The following BBIP1 variants were observed in gnomAD, a reference collection of about 807,000 sequenced individuals.
BBIP1 encodes BBSome interacting protein 1, also known as BBSome-interacting protein 1.
In BBIP1, 6 loss-of-function variants were observed where a neutral mutation model predicts 8.9. That is an observed-to-expected ratio of 0.67 (90% CI 0.37 to 1.33). BBIP1 has a LOEUF of 1.33. Among genes scored for constraint, BBIP1 ranks in the 40% most tolerant of loss-of-function variants. The probability of loss-of-function intolerance (pLI) is 0.02; values close to 1 mark genes in which losing one functional copy is unlikely to be tolerated. For missense variants in BBIP1, 111 were observed against 109.2 expected, an observed-to-expected ratio of 1.02 and a Z score of -0.07; for synonymous variants, 32 against 33.4, an observed-to-expected ratio of 0.96 and a Z score of 0.14.
chr10:110,901,846 A>G, intron 2 of BBIP1: 1 of 459,172 alleles, frequency 2.2e-6, no homozygotes, highest in South Asian at 2.7e-5. Flanking sequence ...AGGTGTTGTA[A>G]TTTTTTTTCT....
At chr10:110,916,459 G>A (rs1041240166) in intron 2 of BBIP1, among the ~76,000 whole-genome samples, 2 of 152,158 alleles carry the variant, frequency 1.3e-5, no homozygotes, top group Non-Finnish European at 2.9e-5. Flanking sequence ...TAAGTGTTAA[G>A]TATAATCTTG....
chr10:110,903,760 G>A (rs1236661424), intron 2 of BBIP1: 1 of 152,186 alleles, frequency 6.6e-6, no homozygotes, highest in Non-Finnish European at 1.5e-5. Flanking sequence ...AGATGGTATA[G>A]CCTAATATAA....
intron 2 of BBIP1, among the ~76,000 whole-genome samples, chr10:110,917,194 A>ATTTTTTTTTTTTT: frequency 9.3e-6 from 1 of 107,972 alleles, no homozygotes; most frequent in Non-Finnish European, 1.8e-5. Context: ...CTGGATCCTG[A>ATTTTTTTTTTTTT]TTTTTTTTTT....
At chr10:110,913,173 CTG>C (rs1397423445) in intron 2 of BBIP1, among the ~76,000 whole-genome samples, 1 of 152,210 alleles carries the variant, frequency 6.6e-6, no homozygotes, top group East Asian at 1.9e-4. Flanking sequence ...CGCTAACTAG[CTG>C]TGTGACCTTG....
intron 2 of BBIP1, chr10:110,903,672 A>C (rs1318880090): frequency 1.3e-5 from 2 of 152,282 alleles, no homozygotes; most frequent in East Asian, 1.9e-4. Context: ...ATGCATCATT[A>C]GGTGGTTCTG....
In BBIP1 at chr10:110,917,819, A is replaced by G. The variant is rs985210562; in HGVS notation, c.37+302T>C. ...CAGACATGGTAGTGAAGCTAAAAAC[A>G]TAAGCGCTATTATATATATATAACA... On this transcript the variant is annotated intron_variant, in intron 2 of 3. Transcript: ENST00000448814. 5.8e-5 allele frequency: 13 copies of G among 223,374 alleles called. No homozygotes were observed. The African/African-American group carries it at 8.6e-4, about 15-fold the overall frequency. 13.8% of individuals were successfully genotyped at this position (223,374 alleles called of 1,614,324 possible). A position where few individuals can be genotyped will look rare whatever the true frequency, so the allele number is the denominator to read the frequency against.
intron 2 of BBIP1, among the ~76,000 whole-genome samples, chr10:110,906,229 A>G (rs981591592): frequency 6.6e-6 from 1 of 152,008 alleles, no homozygotes; most frequent in Non-Finnish European, 1.5e-5. Context: ...GATGGTCTTG[A>G]TCTCCTGACC....
In BBIP1 at chr10:110,912,954, G is replaced by A. The variant is rs560308751; in HGVS notation, c.37+5167C>T. Among the ~76,000 whole-genome samples, 7 of 152,174 alleles carry A rather than the reference G, an allele frequency of 4.6e-5. No homozygotes were observed. In the East Asian group the frequency reaches 7.7e-4, roughly 17 times the overall value. ...ATCCTTGAGCATATCCTAGGATTCCGTGTGTTTTAAATAAACTATGACAGT... is the reference window on the plus strand; with the variant it reads ...ATCCTTGAGCATATCCTAGGATTCCATGTGTTTTAAATAAACTATGACAGT... On this transcript the variant is annotated intron_variant, in intron 2 of 3. Coordinates refer to ENST00000448814, the MANE Select transcript of BBIP1 (RefSeq NM_001195305.3).
At chr10:110,918,285 C>CA in intron 1 of BBIP1, 72 bp from the exon 2 acceptor site, 2 of 782,864 alleles carry the variant, frequency 2.6e-6, no homozygotes, top group Non-Finnish European at 2.1e-6. Context: ...AAATCTTCAA[C>CA]ACGTTGTTTA....
intron 2 of BBIP1, chr10:110,907,688 C>CTTGTATACCCCTCCGATTGTCTT: frequency 1.4e-6 from 1 of 691,422 alleles, no homozygotes; most frequent in Non-Finnish European, 2.6e-6. Context: ...ACCTCGCTTG[C>CTTGTATACCCCTCCGATTGTCTT]TTGTATACCC....
chr10:110,912,208 G>A (rs1019331074), intron 2 of BBIP1: 1 of 123,358 alleles, frequency 8.1e-6, no homozygotes, highest in East Asian at 2.4e-4. Flanking sequence ...CATTCCAGTT[G>A]TCATGTTTGA....
At chr10:110,918,499 A>C (rs1298326800) in intron 1 of BBIP1, among the ~76,000 whole-genome samples, 1 of 152,240 alleles carries the variant, frequency 6.6e-6, no homozygotes, top group Non-Finnish European at 1.5e-5. Context: ...GAAGTTCCCG[A>C]ATTCTCCTCC....
At chr10:110,905,725 T>G (rs1045496307) in intron 2 of BBIP1, among the ~76,000 whole-genome samples, 5 of 152,220 alleles carry the variant, frequency 3.3e-5, no homozygotes, top group Non-Finnish European at 7.3e-5. Context: ...CCCAAAGAGA[T>G]TTTGGAAAAC....
intron 1 of BBIP1, 61 bp from the exon 2 acceptor site, chr10:110,918,274 A>G (rs1051979124): frequency 2.4e-6 from 2 of 850,436 alleles, no homozygotes; most frequent in Non-Finnish European, 3.7e-6. Flanking sequence ...AGTATTTTCA[A>G]AAATCTTCAA....
In BBIP1 at chr10:110,900,074, A is replaced by G. The variant is rs1845950417; in HGVS notation, c.*286T>C. 1 of 277,682 alleles carries G rather than the reference A, an allele frequency of 3.6e-6. No individual in the cohort carries two copies. The highest frequency in any genetic ancestry group is 2.2e-5 in the African/African-American group (1 of 45,446). 17.2% of individuals were successfully genotyped at this position (277,682 alleles called of 1,614,324 possible). A position where few individuals can be genotyped will look rare whatever the true frequency, so the allele number is the denominator to read the frequency against. The stretch of plus-strand genomic sequence containing the variant: ...AAAGATCCCAAGAATGTTATCTATA[A>G]AAGATAGCAATAGGAATGGTGAACA... On this transcript the variant is annotated 3_prime_UTR_variant, in exon 4 of 4. Coordinates refer to ENST00000448814, the MANE Select transcript of BBIP1 (RefSeq NM_001195305.3).
intron 2 of BBIP1, among the ~76,000 whole-genome samples, chr10:110,914,301 T>C (rs1846344479): frequency 6.6e-6 from 1 of 152,050 alleles, no homozygotes; most frequent in African/African-American, 2.4e-5. Context: ...TTGGGTCCCT[T>C]AAAGTAAATT....
chr10:110,913,778 T>G (rs1432724134), intron 2 of BBIP1, among the ~76,000 whole-genome samples: 2 of 152,186 alleles, frequency 1.3e-5, no homozygotes, highest in Non-Finnish European at 2.9e-5. Flanking sequence ...ATTTTGAGAT[T>G]CTCAACAAAA....
chr10:110,905,936 TATC>T (rs1846122496), intron 2 of BBIP1, among the ~76,000 whole-genome samples: 1 of 151,788 alleles, frequency 6.6e-6, no homozygotes, highest in Non-Finnish European at 1.5e-5. Context: ...AGAAGTTTTA[TATC>T]ATCTTTTTTT....
At chr10:110,907,555 G>GA (rs1446717351) in intron 2 of BBIP1, 2 of 478,072 alleles carry the variant, frequency 4.2e-6, no homozygotes, top group Non-Finnish European at 3.7e-6. Flanking sequence ...GAAAAATGGT[G>GA]AAAGAGGAGA....
Sources: gnomAD v4.1 joint callset for allele counts (sites outside exome capture counted in the v4.1 genomes callset) on GRCh38, gnomAD v4.1.1 for gene constraint, MANE v1.5 for transcripts, NCBI Gene and HGNC (gene_info 2026-07-23, HGNC 2026-07-21) for gene names.